MGST2: variants seen among roughly 807,000 people sequenced by gnomAD.
MGST2 encodes glutathione peroxidase MGST2.
Under a neutral mutation model 16.6 loss-of-function variants are expected in MGST2, and 9 were observed. The ratio of observed to expected loss-of-function variants is 0.54; its 90% CI spans 0.33 to 0.95. The LOEUF is 0.95. Among genes scored for constraint, MGST2 ranks in the 40% least tolerant of loss-of-function variants. MGST2 has a pLI of 0.03. For missense variants in MGST2, 159 were observed against 175.1 expected (o/e 0.91, Z 0.52); for synonymous variants, 79 against 68.0 (o/e 1.16, Z -0.79).
Position 139,665,828 on chromosome 4 carries a change from T to C in MGST2, c.-192T>C. 1.5e-6 allele frequency: 1 copy of C among 662,664 alleles called. No individual in the cohort carries two copies. The highest frequency in any genetic ancestry group is 2.7e-6 in the Non-Finnish European group (1 of 365,320). 41.0% of individuals were successfully genotyped at this position (662,664 alleles called of 1,614,324 possible). On this transcript the variant is annotated 5_prime_UTR_variant, in exon 1 of 5. Coordinates refer to ENST00000265498, the MANE Select transcript of MGST2 (RefSeq NM_002413.5). Reference sequence around the variant, plus strand: ...AGCAACTCCCAGCCCCATAAAGATCTGTGACCGGCAGCCCCAGACCTGCCT... The same window carrying C: ...AGCAACTCCCAGCCCCATAAAGATCCGTGACCGGCAGCCCCAGACCTGCCT...
chr4:139,720,745 A>C (rs1272129267), intron 5 of MGST2, among the ~76,000 whole-genome samples: 1 of 152,224 alleles, frequency 6.6e-6, no homozygotes, highest in African/African-American at 2.4e-5. Flanking sequence ...TCCTCAACCA[A>C]TAAGATACTA....
At chr4:139,730,825 C>G (rs943466738) in intron 5 of MGST2, 26 of 649,416 alleles carry the variant, frequency 4.0e-5, no homozygotes, top group Non-Finnish European at 6.6e-5. Context: ...AACGTAGCTT[C>G]AAACCCGACC....
rs1282456660 is a variant in MGST2 at position 139,678,149 on chromosome 4, T to G, written c.59-394T>G. Among the ~76,000 whole-genome samples the G allele has an allele frequency of 2.0e-5, 3 of 152,118 alleles. No individual in the cohort carries two copies. In the East Asian group the frequency reaches 5.8e-4, roughly 29 times the overall value. ...GTGTGATCTTTCTTTTAATGTCTGTTAATTAATCTGCCTCATGTCAGTGAT... is the reference window on the plus strand; with the variant it reads ...GTGTGATCTTTCTTTTAATGTCTGTGAATTAATCTGCCTCATGTCAGTGAT... On this transcript the variant is annotated intron_variant, in intron 1 of 4. Transcript: ENST00000265498.
At chr4:139,706,744 A>G (rs539543298), downstream of MGST2, among the ~76,000 whole-genome samples, 47 of 152,212 alleles carry the variant, frequency 3.1e-4, no homozygotes, top group Admixed American at 2.6e-3. Context: ...GTAGCAGACT[A>G]TCAAGGCCTT....
At chr4:139,725,118 T>A (rs17050891) in intron 5 of MGST2, among the ~76,000 whole-genome samples, 120 of 152,100 alleles carry the variant, frequency 7.9e-4, no homozygotes, top group Middle Eastern at 3.4e-3. Flanking sequence ...TCCACATTTA[T>A]AAAGGAGTGC....
chr4:139,748,749 G>C, the MGST2 span, among the ~76,000 whole-genome samples: 1 of 106,554 alleles, frequency 9.4e-6, no homozygotes, highest in African/African-American at 4.1e-5. Context: ...GCTTTGGAAA[G>C]TTGAGCAATT....
At chr4:139,724,775 C>CT (rs34621312) in intron 5 of MGST2, among the ~76,000 whole-genome samples, 5,680 of 130,192 alleles carry the variant, frequency 0.044, 171 homozygotes, top group East Asian at 0.094. Context: ...CCTCAAGGGT[C>CT]TTTTTTTTTT....
At chr4:139,716,346 A>G (rs898096716) in intron 5 of MGST2, among the ~76,000 whole-genome samples, 10 of 152,216 alleles carry the variant, frequency 6.6e-5, no homozygotes, top group Non-Finnish European at 1.2e-4. Context: ...ACAGTGGAAC[A>G]AGAACCTTTA....
intron 2 of MGST2, among the ~76,000 whole-genome samples, chr4:139,682,751 A>G (rs1285070667): frequency 6.6e-6 from 1 of 152,190 alleles, no homozygotes; most frequent in African/African-American, 2.4e-5. Context: ...GCTGTGTTGC[A>G]GAATTTTTGC....
chr4:139,752,543 T>C, the MGST2 span, among the ~76,000 whole-genome samples: 3 of 152,310 alleles, frequency 2.0e-5, no homozygotes, highest in Admixed American at 1.3e-4. Flanking sequence ...GCTGGGAAAG[T>C]GGCTGGCAGG....
At position 139,728,633 on chromosome 4, in the gene MGST2, TACG is replaced by T. The variant is rs1728573873; in HGVS notation, c.*49-11578_*49-11576del. Among the ~76,000 whole-genome samples the T allele has an allele frequency of 2.0e-5, 3 of 152,204 alleles. No homozygotes were observed. The South Asian group carries it at 6.2e-4, about 31-fold the overall frequency. On this transcript the variant is annotated intron_variant, in intron 5 of 5. Coordinates refer to the MGST2 transcript ENST00000616265. ...ATCATCTTTTGGTACACACAGTTGC[TACG>T]GAATGATCCACAGGTCACGGCTTCC... is the stretch of plus-strand genomic sequence containing the variant.
chr4:139,744,886 C>T (rs1392993723), downstream of MGST2, among the ~76,000 whole-genome samples: 3 of 152,168 alleles, frequency 2.0e-5, no homozygotes, highest in Non-Finnish European at 4.4e-5. Context: ...GGTGGCATGG[C>T]GTAGAAATAG....
intron 5 of MGST2, among the ~76,000 whole-genome samples, chr4:139,733,439 C>T (rs1376376462): frequency 6.6e-6 from 1 of 152,002 alleles, no homozygotes; most frequent in African/African-American, 2.4e-5. Context: ...GTTGCTTTCC[C>T]AGCCTCCTCT....
In MGST2 at chr4:139,716,575, G is replaced by C. The variant is rs556450120; in HGVS notation, c.*48+12379G>C. On this transcript the variant is annotated intron_variant, in intron 5 of 5. Coordinates refer to the MGST2 transcript ENST00000616265. ...GCAGTAAATTCAGAAAGTATCATCAGTTGTGCAGTTGAATGCAAAGGCTGG... is the reference window on the plus strand; with the variant it reads ...GCAGTAAATTCAGAAAGTATCATCACTTGTGCAGTTGAATGCAAAGGCTGG... 4.0e-3 allele frequency among the ~76,000 whole-genome samples: 569 copies of C among 140,872 alleles called. 2 individuals are homozygous for C. Among genetic ancestry groups the C allele is most frequent in the Non-Finnish European group, 6.6e-3 (427 of 64,982 alleles). The allele number at this position is 140,872 out of a possible 152,430, so 92.4% of individuals were successfully genotyped here.
intron 5 of MGST2, chr4:139,718,348 CAT>C (rs1728078940): frequency 6.6e-6 from 1 of 152,198 alleles, no homozygotes; most frequent in African/African-American, 2.4e-5. Flanking sequence ...TCCCTAAAGA[CAT>C]AAGCTTCACT....
chr4:139,691,331 TA>T (rs1726567690), intron 2 of MGST2, among the ~76,000 whole-genome samples: 1 of 152,212 alleles, frequency 6.6e-6, no homozygotes, highest in Non-Finnish European at 1.5e-5. Context: ...CTTCATGACT[TA>T]AAAGAGGCTA....
chr4:139,708,706 A>G (rs1390656769), downstream of MGST2, among the ~76,000 whole-genome samples: 3 of 152,128 alleles, frequency 2.0e-5, no homozygotes, highest in African/African-American at 7.2e-5. Flanking sequence ...TTCTGGTTAG[A>G]AAAAAACAAC....
chr4:139,742,149 CTTTTTTTT>C (rs67056013), downstream of MGST2, among the ~76,000 whole-genome samples: 1 of 113,690 alleles, frequency 8.8e-6, no homozygotes, highest in Admixed American at 9.0e-5. Context: ...CTTTTCTTTT[CTTTTTTTT>C]TTTTTTTTTG....
rs1181366304 is a variant in MGST2 at position 139,700,814 on chromosome 4, C to A, written c.230-2641C>A. Among the ~76,000 whole-genome samples, 3 of 152,158 alleles carry A rather than the reference C, an allele frequency of 2.0e-5. No homozygotes were observed. In the East Asian group the frequency reaches 5.8e-4, roughly 29 times the overall value. On this transcript the variant is annotated intron_variant, in intron 3 of 4. Coordinates refer to ENST00000265498, the MANE Select transcript of MGST2 (RefSeq NM_002413.5). ...CGTTTAACAGTGAGTCAGACCAGCC[C>A]CTGCTACCTTCGTTGGAGAAATTCA... is the stretch of plus-strand genomic sequence containing the variant.
Sources: allele counts gnomAD v4.1 joint callset (sites outside exome capture counted in the v4.1 genomes callset), GRCh38; gene constraint gnomAD v4.1.1; transcripts MANE v1.5; gene names NCBI Gene and HGNC (gene_info 2026-07-23, HGNC 2026-07-21).